RASGRF1: variants seen among roughly 807,000 people sequenced by gnomAD.
RASGRF1 encodes the protein ras-specific guanine nucleotide-releasing factor 1.
A neutral mutation model predicts 138.7 loss-of-function variants in RASGRF1; 40 were observed. The ratio of observed to expected loss-of-function variants is 0.29; its 90% CI spans 0.22 to 0.38. The LOEUF (loss-of-function observed/expected upper bound fraction) is 0.38. Ranked by LOEUF, RASGRF1 falls within the 10% of genes least tolerant of loss-of-function variation. The pLI, the probability that RASGRF1 is intolerant of heterozygous loss-of-function variation, is 1.00. For synonymous variants in RASGRF1, 614 were observed against 663.2 expected, an observed-to-expected ratio of 0.93 and a Z score of 1.14; for missense variants, 1,108 against 1,650.4, an observed-to-expected ratio of 0.67 and a Z score of 5.69.
chr15:79,035,571 C>T (rs896188113), intron 5 of RASGRF1, among the ~76,000 whole-genome samples: 1 of 152,218 alleles, frequency 6.6e-6, no homozygotes, highest in East Asian at 1.9e-4. Flanking sequence ...GGGCCCCACA[C>T]CCCCTCCCCC....
Position 79,004,029 on chromosome 15 carries a change from A to G in RASGRF1, c.2222T>C (p.Leu741Pro). ...KTSSPSRRRK[L>P]SLNIPIITGG... The stretch of plus-strand genomic sequence containing the variant: ...AGTGATGATGGGGATGTTCAGGGAG[A>G]GCTTCCGCCGGCGGCTCGGTGACGA... The change falls in exon 15 of 27, where the codon CTC (leucine) becomes CCC (proline). Residue 741 changes from leucine to proline, a missense_variant. Physicochemically the swap from Leu to Pro is moderately conservative, Grantham distance 98. Transcript: ENST00000558480. 3 of 1,613,522 alleles carry G rather than the reference A, an allele frequency of 1.9e-6. No homozygotes were observed. The highest frequency in any genetic ancestry group is 2.5e-6 in the Non-Finnish European group (3 of 1,179,882).
At chr15:79,084,178 G>A (rs959910357) in intron 1 of RASGRF1, among the ~76,000 whole-genome samples, 2 of 152,226 alleles carry the variant, frequency 1.3e-5, no homozygotes, top group Non-Finnish European at 2.9e-5. Flanking sequence ...TCGATGAAGG[G>A]AAGTTAAGGA....
At chr15:79,022,612 C>A (rs1284987159) in intron 10 of RASGRF1, among the ~76,000 whole-genome samples, 1 of 152,162 alleles carries the variant, frequency 6.6e-6, no homozygotes, top group East Asian at 1.9e-4. Flanking sequence ...CCGCCACACC[C>A]CCAGCCTAGA....
chr15:78,984,825 C>A, intron 23 of RASGRF1, 182 bp downstream of exon 23: 1 of 661,578 alleles, frequency 1.5e-6, no homozygotes, highest in Admixed American at 2.3e-5. Context: ...ACTGCCATAT[C>A]TGTGGGCCTG....
intron 26 of RASGRF1, 22 bp from the exon 27 acceptor site, chr15:78,962,258 G>A (rs1156840598): frequency 6.9e-7 from 1 of 1,452,684 alleles, no homozygotes; most frequent in Admixed American, 1.9e-5. Context: ...AAAGAGAAAA[G>A]GGAATGGGAG....
intron 24 of RASGRF1, chr15:78,979,152 G>C (rs749760260): frequency 1.6e-6 from 2 of 1,289,246 alleles, no homozygotes; most frequent in East Asian, 5.5e-5. Flanking sequence ...AGGGGCTCTC[G>C]GGAGCCCAGG....
At chr15:78,962,326 C>T (rs2055562161) in intron 26 of RASGRF1, 90 bp from the exon 27 acceptor site, 4 of 943,968 alleles carry the variant, frequency 4.2e-6, no homozygotes, top group South Asian at 3.0e-5. Context: ...AGGGCCCAAG[C>T]CTCTTACTGT....
At chr15:79,009,542 TCTGAC>T in intron 13 of RASGRF1, among the ~76,000 whole-genome samples, 1 of 152,200 alleles carries the variant, frequency 6.6e-6, no homozygotes, top group Middle Eastern at 3.4e-3. Flanking sequence ...ATAGGGATCA[TCTGAC>T]CCCTCTGGCA....
intron 24 of RASGRF1, 171 bp downstream of exon 24, chr15:78,980,449 A>T (rs953598735): frequency 2.5e-5 from 12 of 483,876 alleles, no homozygotes; most frequent in Admixed American, 1.7e-4. Context: ...TCTCTGGCAG[A>T]CCATGGAGGA....
At chr15:79,004,725 T>C in intron 14 of RASGRF1, 3 of 985,740 alleles carry the variant, frequency 3.0e-6, no homozygotes, top group Non-Finnish European at 3.6e-6. Flanking sequence ...ACCATCCTCA[T>C]GACAGGGTTC....
chr15:79,090,076 C>T (rs1162211657), intron 1 of RASGRF1, 147 bp downstream of exon 1: 1 of 1,198,368 alleles, frequency 8.3e-7, no homozygotes, highest in Non-Finnish European at 1.1e-6. Flanking sequence ...TGGGAGCAAG[C>T]CTCCCCTCTC....
intron 1 of RASGRF1, among the ~76,000 whole-genome samples, chr15:79,067,312 A>G (rs548228907): frequency 1.3e-5 from 2 of 152,268 alleles, no homozygotes; most frequent in Non-Finnish European, 1.5e-5. Context: ...AAGAAGGGGA[A>G]ACTGGAGGAT....
intron 5 of RASGRF1, among the ~76,000 whole-genome samples, chr15:79,039,296 C>CAAAAAAAAA (rs71148587): frequency 2.0e-5 from 1 of 50,370 alleles, no homozygotes; most frequent in Non-Finnish European, 4.2e-5. Context: ...GACCCTGTCT[C>CAAAAAAAAA]AAAAAAAAAA....
intron 26 of RASGRF1, among the ~76,000 whole-genome samples, chr15:78,965,924 A>G (rs938815467): frequency 6.6e-6 from 1 of 152,062 alleles, no homozygotes; most frequent in African/African-American, 2.4e-5. Flanking sequence ...CTTCGCCGGG[A>G]TTTGAACCCA....
At chr15:78,997,833 A>C (rs190783000) in intron 19 of RASGRF1, 35 of 491,082 alleles carry the variant, frequency 7.1e-5, no homozygotes, top group African/African-American at 5.3e-4. Context: ...CTGTGGACAC[A>C]CATGGAGAAG....
At chr15:79,068,513 A>G (rs1046048491) in intron 1 of RASGRF1, among the ~76,000 whole-genome samples, 12 of 148,768 alleles carry the variant, frequency 8.1e-5, no homozygotes, top group African/African-American at 2.9e-4. Context: ...ACGTATATTT[A>G]TATGTATAAG....
At chr15:79,062,693 C>T (rs1008696829) in intron 2 of RASGRF1, among the ~76,000 whole-genome samples, 2 of 152,094 alleles carry the variant, frequency 1.3e-5, no homozygotes, top group Non-Finnish European at 2.9e-5. Context: ...CCTACCACCC[C>T]CCGCTATGCC....
rs1567598878 is a variant in RASGRF1 at position 79,061,413 on chromosome 15, A to ATATATATATATATATATATATATAT, written c.384-2933_384-2932insATATATATATATATATATATATATA. Among the ~76,000 whole-genome samples the ATATATATATATATATATATATATAT allele has an allele frequency of 7.8e-4, 91 of 117,016 alleles. 2 individuals carry two copies. Among genetic ancestry groups the ATATATATATATATATATATATATAT allele is most frequent in the East Asian group, 4.1e-3 (16 of 3,872 alleles). 76.8% of individuals were successfully genotyped at this position (117,016 alleles called of 152,430 possible). On this transcript the variant is annotated intron_variant, in intron 2 of 26. Transcript: ENST00000558480. ...TAGAAAATTAGAACACTATCTTTAAAATATATATATATATATATCATTCAT... is the reference window on the plus strand; with the variant it reads ...TAGAAAATTAGAACACTATCTTTAAATATATATATATATATATATATATATATATATATATATATATATCATTCAT...
chr15:79,028,004 AGT>A, intron 8 of RASGRF1, 145 bp from the exon 9 acceptor site: 1 of 822,108 alleles, frequency 1.2e-6, no homozygotes, highest in South Asian at 1.6e-5. Flanking sequence ...AGGGGAAGGG[AGT>A]GTGCATTTAC....
Sources: gnomAD v4.1 joint callset for allele counts (sites outside exome capture counted in the v4.1 genomes callset) on GRCh38, gnomAD v4.1.1 for gene constraint, MANE v1.5 for transcripts, NCBI Gene and HGNC (gene_info 2026-07-23, HGNC 2026-07-21) for gene names.